The following GPC5 variants were observed in gnomAD, a reference collection of about 807,000 sequenced individuals.
GPC5 encodes glypican 5.
In GPC5, 47 loss-of-function variants were observed where a neutral mutation model predicts 53.9. The observed-to-expected ratio is 0.87, with a 90% CI of 0.69 to 1.11. The LOEUF (loss-of-function observed/expected upper bound fraction) is 1.11. GPC5 is among the 50% of genes most tolerant of loss of function. The probability of loss-of-function intolerance (pLI) is 0.00; values close to 1 mark genes in which losing one functional copy is unlikely to be tolerated. For missense variants in GPC5, 748 were observed against 713.1 expected (o/e 1.05, Z -0.56); for synonymous variants, 286 against 263.3 (o/e 1.09, Z -0.84).
At chr13:92,450,989 T>A (rs958406377) in intron 7 of GPC5, among the ~76,000 whole-genome samples, 5 of 152,210 alleles carry the variant, frequency 3.3e-5, no homozygotes, top group African/African-American at 1.2e-4. Flanking sequence ...GGTTACCTGT[T>A]TTCTTTATTA....
At chr13:92,795,758 A>G (rs145000974) in intron 7 of GPC5, among the ~76,000 whole-genome samples, 5 of 152,342 alleles carry the variant, frequency 3.3e-5, no homozygotes, top group Admixed American at 6.5e-5. Context: ...GACACATGAA[A>G]AAATGCTCAT....
At chr13:92,113,176 A>G (rs2041572089) in intron 6 of GPC5, among the ~76,000 whole-genome samples, 1 of 152,094 alleles carries the variant, frequency 6.6e-6, no homozygotes, top group South Asian at 2.1e-4. Context: ...AGATACATGA[A>G]AGAAAAGAAT....
chr13:92,099,492 C>A (rs950108175), intron 6 of GPC5, among the ~76,000 whole-genome samples: 4 of 152,114 alleles, frequency 2.6e-5, no homozygotes, highest in Non-Finnish European at 5.9e-5. Context: ...CTCCTAATGT[C>A]CAATCTTTCC....
intron 7 of GPC5, among the ~76,000 whole-genome samples, chr13:92,406,230 G>T (rs775580944): frequency 5.0e-4 from 76 of 152,164 alleles, no homozygotes; most frequent in Non-Finnish European, 5.6e-4. Flanking sequence ...GATGAAGAAG[G>T]TCATTATAAT....
At chr13:92,644,088 T>A (rs898171878) in intron 7 of GPC5, among the ~76,000 whole-genome samples, 1 of 152,154 alleles carries the variant, frequency 6.6e-6, no homozygotes, top group Non-Finnish European at 1.5e-5. Flanking sequence ...AGCCTATTGA[T>A]AATTTGTTAA....
intron 7 of GPC5, among the ~76,000 whole-genome samples, chr13:92,349,899 C>T (rs1392786890): frequency 6.6e-6 from 1 of 152,058 alleles, no homozygotes; most frequent in African/African-American, 2.4e-5. Context: ...TCACCATTAC[C>T]CTGATACCAA....
intron 7 of GPC5, among the ~76,000 whole-genome samples, chr13:92,211,528 T>A (rs1219090345): frequency 6.6e-6 from 1 of 152,238 alleles, no homozygotes; most frequent in African/African-American, 2.4e-5. Flanking sequence ...CCAAGCAGTT[T>A]GTAACCTTTC....
chr13:91,853,431 G>C (rs971753105), intron 5 of GPC5, among the ~76,000 whole-genome samples: 2 of 151,960 alleles, frequency 1.3e-5, no homozygotes, highest in African/African-American at 2.4e-5. Flanking sequence ...TCTTAGAAAA[G>C]TGATTACTCT....
rs1347076323 is a variant in GPC5, at chr13:91,762,989, G to T, written c.1280+6569G>T. ...ATCTTCTTTATTCTTCTCTATTGCA[G>T]TTTCTTTTGGAATAGATCTCCTGGA... is the stretch of plus-strand genomic sequence containing the variant. On this transcript the variant is annotated intron_variant, in intron 5 of 7. Transcript: ENST00000377067. 2.6e-5 allele frequency among the ~76,000 whole-genome samples: 4 copies of T among 152,056 alleles called. No homozygotes were observed. In the East Asian group the frequency reaches 7.7e-4, roughly 29 times the overall value.
At chr13:92,791,361 T>C (rs770114684) in intron 7 of GPC5, among the ~76,000 whole-genome samples, 1 of 150,420 alleles carries the variant, frequency 6.6e-6, no homozygotes, top group Non-Finnish European at 1.5e-5. Flanking sequence ...TGCATACATG[T>C]ATATAAATGT....
intron 7 of GPC5, among the ~76,000 whole-genome samples, chr13:92,792,592 C>T (rs1468928533): frequency 6.6e-6 from 1 of 152,070 alleles, no homozygotes; most frequent in African/African-American, 2.4e-5. Context: ...AAGACACAGA[C>T]TGGCAAACTG....
chr13:92,284,562 C>T (rs2042939983), intron 7 of GPC5, among the ~76,000 whole-genome samples: 1 of 152,130 alleles, frequency 6.6e-6, no homozygotes, highest in South Asian at 2.1e-4. Context: ...TGGGCTTCAT[C>T]CCTGGGATGC....
At chr13:92,171,608 T>C (rs1259656864) in intron 7 of GPC5, among the ~76,000 whole-genome samples, 3 of 152,224 alleles carry the variant, frequency 2.0e-5, no homozygotes, top group African/African-American at 7.2e-5. Context: ...TTTTCCACAA[T>C]TGACAATGTC....
At chr13:92,257,546 ATTT>A (rs398023955) in intron 7 of GPC5, among the ~76,000 whole-genome samples, 7 of 72,942 alleles carry the variant, frequency 9.6e-5, no homozygotes, top group South Asian at 5.7e-4. Flanking sequence ...TAATACAGGG[ATTT>A]TTTTTTTTTT....
chr13:91,774,927 C>G (rs990877796), intron 5 of GPC5, among the ~76,000 whole-genome samples: 1 of 152,290 alleles, frequency 6.6e-6, no homozygotes, highest in Non-Finnish European at 1.5e-5. Flanking sequence ...AATCTCTTGA[C>G]CAAGCATCTA....
At chr13:92,518,246 G>A (rs1880873403) in intron 7 of GPC5, among the ~76,000 whole-genome samples, 1 of 152,142 alleles carries the variant, frequency 6.6e-6, no homozygotes, top group African/African-American at 2.4e-5. Context: ...AGCAAGGCAG[G>A]CCAACATTCA....
intron 7 of GPC5, among the ~76,000 whole-genome samples, chr13:92,181,499 T>C (rs1593969131): frequency 1.3e-5 from 2 of 152,220 alleles, no homozygotes; most frequent in East Asian, 3.8e-4. Context: ...CTATGTAATG[T>C]TTTAAAAATC....
intron 7 of GPC5, among the ~76,000 whole-genome samples, chr13:92,711,131 T>C (rs1888124650): frequency 6.6e-6 from 1 of 152,074 alleles, no homozygotes; most frequent in Non-Finnish European, 1.5e-5. Context: ...CATTAAAAAA[T>C]AAGAAAATGC....
chr13:92,442,795 C>A (rs539908054), intron 7 of GPC5, among the ~76,000 whole-genome samples: 1 of 152,106 alleles, frequency 6.6e-6, no homozygotes, highest in African/African-American at 2.4e-5. Context: ...CTACATGATC[C>A]TGAGAATTTC....
Sources: allele counts gnomAD v4.1 joint callset (sites outside exome capture counted in the v4.1 genomes callset), GRCh38; gene constraint gnomAD v4.1.1; transcripts MANE v1.5; gene names NCBI Gene and HGNC (gene_info 2026-07-23, HGNC 2026-07-21).